The following TMEM177 variants were observed in gnomAD, a reference collection of about 807,000 sequenced individuals.
TMEM177 encodes the protein transmembrane protein 177.
Under a neutral mutation model 14.2 loss-of-function variants are expected in TMEM177, and 4 were observed. That is an observed-to-expected ratio of 0.28 (90% CI 0.14 to 0.64). TMEM177 has a LOEUF of 0.64. Among genes scored for constraint, TMEM177 ranks in the 30% least tolerant of loss-of-function variants. The pLI, the probability that TMEM177 is intolerant of heterozygous loss-of-function variation, is 0.82. For missense variants in TMEM177, 344 were observed against 405.2 expected, an observed-to-expected ratio of 0.85 and a Z score of 1.30; for synonymous variants, 179 against 174.5, an observed-to-expected ratio of 1.03 and a Z score of -0.20.
chr2:119,717,810 G>A, the TMEM177 span, among the ~76,000 whole-genome samples: 406 of 151,994 alleles, frequency 2.7e-3, 2 homozygotes, highest in African/African-American at 9.5e-3. Flanking sequence ...AGTAGAGATG[G>A]AGTTTTGCCA....
chr2:119,682,539 T>C (rs1018143905), downstream of TMEM177, among the ~76,000 whole-genome samples: 2 of 151,934 alleles, frequency 1.3e-5, no homozygotes, highest in African/African-American at 4.8e-5. Flanking sequence ...CAAGGTCCCG[T>C]GGATGCAGAT....
the TMEM177 span, among the ~76,000 whole-genome samples, chr2:119,698,235 C>T: frequency 2.0e-5 from 3 of 152,092 alleles, no homozygotes; most frequent in East Asian, 1.9e-4. Flanking sequence ...TTAATCTTTC[C>T]GCTTATTTGA....
At position 119,681,831 on chromosome 2, in the gene TMEM177, C is replaced by T. The variant is rs762314532; in HGVS notation, c.*42C>T. 3 of 1,569,820 alleles carry T rather than the reference C, an allele frequency of 1.9e-6. No homozygotes were observed. Among genetic ancestry groups the T allele is most frequent in the Non-Finnish European group, 2.6e-6 (3 of 1,150,442 alleles). Reference sequence around the variant, plus strand: ...ACACTTCCAGCTTGTGCAGACACCACCCTGCCATTGAGTCTGGAGGGCCCT... The same window carrying T: ...ACACTTCCAGCTTGTGCAGACACCATCCTGCCATTGAGTCTGGAGGGCCCT... On this transcript the variant is annotated 3_prime_UTR_variant, in exon 2 of 2. Coordinates refer to ENST00000272521, the MANE Select transcript of TMEM177 (RefSeq NM_030577.3).
the TMEM177 span, among the ~76,000 whole-genome samples, chr2:119,708,322 AAT>A: frequency 6.6e-6 from 1 of 152,064 alleles, no homozygotes; most frequent in African/African-American, 2.4e-5. Context: ...TGGAAAAAAA[AAT>A]CTCAGGCATC....
At chr2:119,717,397 T>C in the TMEM177 span, among the ~76,000 whole-genome samples, 1 of 151,288 alleles carries the variant, frequency 6.6e-6, no homozygotes, top group Non-Finnish European at 1.5e-5. Flanking sequence ...GTGGCAGGGC[T>C]CTTGTGAGTG....
chr2:119,710,039 G>A, the TMEM177 span, among the ~76,000 whole-genome samples: 6 of 152,078 alleles, frequency 3.9e-5, no homozygotes, highest in Admixed American at 3.3e-4. Context: ...TTTCTTTGGG[G>A]GTGATTAAAA....
chr2:119,718,539 G>T, the TMEM177 span, among the ~76,000 whole-genome samples: 2 of 152,166 alleles, frequency 1.3e-5, no homozygotes, highest in African/African-American at 4.8e-5. Flanking sequence ...ATAATTATTT[G>T]CTACTTTCAA....
the TMEM177 span, among the ~76,000 whole-genome samples, chr2:119,705,990 A>ATATATATTCTATATTATATAT: frequency 6.8e-5 from 1 of 14,606 alleles, no homozygotes; most frequent in Non-Finnish European, 2.5e-4. Flanking sequence ...CTCTCTATAT[A>ATATATATTCTATATTATATAT]TATATATTAT....
chr2:119,691,232 G>C (rs146332492), downstream of TMEM177, among the ~76,000 whole-genome samples: 3 of 152,162 alleles, frequency 2.0e-5, no homozygotes, highest in Non-Finnish European at 4.4e-5. Context: ...CTGTGGGCAC[G>C]TTCCTGAGCT....
downstream of TMEM177, among the ~76,000 whole-genome samples, chr2:119,688,962 G>A (rs1259744881): frequency 4.6e-5 from 7 of 152,322 alleles, no homozygotes; most frequent in South Asian, 4.1e-4. Flanking sequence ...CAAGTGGATC[G>A]TGGGACTCCT....
the TMEM177 span, among the ~76,000 whole-genome samples, chr2:119,693,968 C>CACAAACACATACCACAT: frequency 7.3e-6 from 1 of 136,720 alleles, no homozygotes; most frequent in South Asian, 2.3e-4. Flanking sequence ...ACATACCACA[C>CACAAACACATACCACAT]ACAAACACAT....
chr2:119,680,990 A>G lies in TMEM177; in HGVS notation c.137A>G (p.Tyr46Cys). ...LFPDPVVQWL[Y>C]QYWPQGQPAP... is the part of the protein sequence containing the mutation. Reference sequence around the variant, plus strand: ...CCGGATCCCGTGGTCCAATGGCTCTACCAGTACTGGCCTCAGGGCCAGCCA... The same window carrying G: ...CCGGATCCCGTGGTCCAATGGCTCTGCCAGTACTGGCCTCAGGGCCAGCCA... Residue 46 changes from tyrosine to cysteine, a missense_variant, in exon 2 of 2, where the codon TAC (tyrosine) becomes TGC (cysteine). By Grantham distance (194) the Tyr-to-Cys change is radical. Coordinates refer to ENST00000272521, the MANE Select transcript of TMEM177 (RefSeq NM_030577.3). The G allele has an allele frequency of 6.2e-7, 1 of 1,614,146 alleles. No individual in the cohort carries two copies. The highest frequency in any genetic ancestry group is 8.5e-7 in the Non-Finnish European group (1 of 1,180,018).
the TMEM177 span, among the ~76,000 whole-genome samples, chr2:119,712,319 G>C: frequency 8.1e-4 from 124 of 152,232 alleles, 1 homozygote; most frequent in Non-Finnish European, 1.4e-3. Context: ...CTGAGGCTTG[G>C]TGATTGTGAT....
At chr2:119,699,901 A>T in the TMEM177 span, 1 of 458,670 alleles carries the variant, frequency 2.2e-6, no homozygotes, top group Non-Finnish European at 4.4e-6. Flanking sequence ...AAATGCAGAG[A>T]GCAATGCTGA....
the TMEM177 span, among the ~76,000 whole-genome samples, chr2:119,702,852 T>C: frequency 6.6e-5 from 10 of 152,184 alleles, no homozygotes; most frequent in African/African-American, 9.7e-5. Flanking sequence ...ACCAAAACAG[T>C]CCTCTATCCC....
chr2:119,708,118 G>A, the TMEM177 span, among the ~76,000 whole-genome samples: 7,641 of 152,188 alleles, frequency 0.05, 649 homozygotes, highest in African/African-American at 0.17. Context: ...TGGCTGCTCA[G>A]TCTCCCACCC....
At position 119,681,532 on chromosome 2, in the gene TMEM177, G is replaced by T. The variant is rs756691179; in HGVS notation, c.679G>T (p.Val227Leu). 1.2e-6 allele frequency: 2 copies of T among 1,614,108 alleles called. No individual in the cohort carries two copies. The highest frequency in any genetic ancestry group is 1.7e-6 in the Non-Finnish European group (2 of 1,180,042). The change falls in exon 2 of 2, where the codon GTG (valine) becomes TTG (leucine). Residue 227 changes from valine (V) to leucine (L), a missense_variant. Val to Leu is a conservative substitution (Grantham distance 32). Coordinates refer to ENST00000272521, the MANE Select transcript of TMEM177 (RefSeq NM_030577.3). ...CTCCCAGGATTCTCTCACTCATGCC[G>T]TGGAGTCCTGGCTGGACCGCCGCAC... ...AFSQDSLTHA[V>L]ESWLDRRTAS...
the TMEM177 span, chr2:119,699,002 CA>C: frequency 5.3e-6 from 1 of 187,446 alleles, no homozygotes; most frequent in Admixed American, 5.1e-5. Flanking sequence ...GTCTCAAAAC[CA>C]AAAGAAAGGA....
Position 119,681,043 on chromosome 2 carries a change from C to T in TMEM177, c.190C>T (p.Leu64Phe). ...PAPLPPQLQS[L>F]FQEVLQDIGV... ...TCCGCTCCCTCCACAGCTGCAGAGC[C>T]TCTTCCAAGAGGTGCTACAGGACAT... Residue 64 changes from leucine (L) to phenylalanine (F), a missense_variant, in exon 2 of 2, where the codon CTC becomes TTC. Physicochemically the swap from Leu to Phe is conservative, Grantham distance 22. Coordinates refer to ENST00000272521, the MANE Select transcript of TMEM177 (RefSeq NM_030577.3). 1.9e-6 allele frequency: 3 copies of T among 1,614,264 alleles called. No individual in the cohort carries two copies. The highest frequency in any genetic ancestry group is 2.5e-6 in the Non-Finnish European group (3 of 1,180,044).
Sources: gnomAD v4.1 joint callset for allele counts (sites outside exome capture counted in the v4.1 genomes callset) on GRCh38, gnomAD v4.1.1 for gene constraint, MANE v1.5 for transcripts, NCBI Gene and HGNC (gene_info 2026-07-23, HGNC 2026-07-21) for gene names.